AUTS2: variants seen among roughly 807,000 people sequenced by gnomAD.
The protein encoded by AUTS2 is activator of transcription and developmental regulator AUTS2.
In AUTS2, 17 loss-of-function variants were observed where a neutral mutation model predicts 112.4. The observed-to-expected ratio is 0.15, with a 90% confidence interval of 0.10 to 0.23. The LOEUF is 0.23. AUTS2 is among the 10% of genes least tolerant of loss of function. AUTS2 has a pLI of 1.00. For synonymous variants in AUTS2, 751 were observed against 702.7 expected (o/e 1.07, Z -1.09); for missense variants, 1,510 against 1,701.6 (o/e 0.89, Z 1.98).
At chr7:69,767,489 A>G (rs1265480090) in intron 1 of AUTS2, among the ~76,000 whole-genome samples, 2 of 152,174 alleles carry the variant, frequency 1.3e-5, no homozygotes, top group African/African-American at 2.4e-5. Flanking sequence ...AGACATTTCT[A>G]ATTAGAAAGT....
intron 2 of AUTS2, among the ~76,000 whole-genome samples, chr7:70,059,241 G>A (rs1390811851): frequency 6.6e-6 from 1 of 152,184 alleles, no homozygotes; most frequent in African/African-American, 2.4e-5. Flanking sequence ...ATGTCATACA[G>A]TTGGAATCAT....
intron 1 of AUTS2, among the ~76,000 whole-genome samples, chr7:69,728,452 T>C (rs138090216): frequency 1.8e-4 from 27 of 152,350 alleles, no homozygotes; most frequent in African/African-American, 5.8e-4. Flanking sequence ...AGGCACATTC[T>C]AGAAGTGCCT....
chr7:69,799,641 A>G (rs940285438), intron 1 of AUTS2, among the ~76,000 whole-genome samples: 1 of 152,236 alleles, frequency 6.6e-6, no homozygotes, highest in Non-Finnish European at 1.5e-5. Flanking sequence ...TTTGAGTTAC[A>G]TATGAGGGAC....
intron 2 of AUTS2, among the ~76,000 whole-genome samples, chr7:70,097,855 A>G (rs1804283111): frequency 6.6e-6 from 1 of 152,230 alleles, no homozygotes; most frequent in African/African-American, 2.4e-5. Context: ...TGTAGGATAA[A>G]GTGCGGCAGT....
chr7:69,991,214 C>T (rs1306423521), intron 2 of AUTS2, among the ~76,000 whole-genome samples: 1 of 152,136 alleles, frequency 6.6e-6, no homozygotes, highest in East Asian at 1.9e-4. Flanking sequence ...CCCTTCACTG[C>T]GTAGTAGTTT....
intron 3 of AUTS2, chr7:70,119,118 T>C (rs1207491471): frequency 6.6e-6 from 1 of 151,870 alleles, no homozygotes; most frequent in Non-Finnish European, 1.5e-5. Flanking sequence ...TCCTTCTGAG[T>C]AGGTGGGACT....
chr7:70,330,355 T>G (rs1309084383), intron 4 of AUTS2, among the ~76,000 whole-genome samples: 1 of 152,226 alleles, frequency 6.6e-6, no homozygotes, highest in African/African-American at 2.4e-5. Context: ...GATATCCAGT[T>G]GTCTCAGCAT....
chr7:70,575,044 G>A (rs919897878), intron 5 of AUTS2, among the ~76,000 whole-genome samples: 4 of 152,160 alleles, frequency 2.6e-5, no homozygotes, highest in African/African-American at 4.8e-5. Context: ...CTGGGTAATC[G>A]TTCCGCTCGG....
At chr7:69,909,381 A>G (rs1343834934) in intron 2 of AUTS2, among the ~76,000 whole-genome samples, 1 of 152,222 alleles carries the variant, frequency 6.6e-6, no homozygotes, top group Non-Finnish European at 1.5e-5. Flanking sequence ...ATAGCTGTTT[A>G]TAAAGATGCT....
intron 1 of AUTS2, among the ~76,000 whole-genome samples, chr7:69,864,683 A>AAAATATTTGAAATAATGACTCTT (rs1386403483): frequency 4.6e-5 from 7 of 152,198 alleles, no homozygotes; most frequent in Non-Finnish European, 1.0e-4. Context: ...TACTTTATTT[A>AAAATATTTGAAATAATGACTCTT]AAATATTTGA....
intron 4 of AUTS2, among the ~76,000 whole-genome samples, chr7:70,433,002 G>A (rs1040049745): frequency 6.6e-6 from 1 of 152,140 alleles, no homozygotes; most frequent in African/African-American, 2.4e-5. Flanking sequence ...ATTTTTAATC[G>A]GCTTGGCATC....
At chr7:70,391,446 G>A (rs986708592) in intron 4 of AUTS2, among the ~76,000 whole-genome samples, 5 of 152,244 alleles carry the variant, frequency 3.3e-5, no homozygotes, top group African/African-American at 7.2e-5. Flanking sequence ...AAAACTCACC[G>A]CAGAAGTCCC....
intron 6 of AUTS2, among the ~76,000 whole-genome samples, chr7:70,753,437 A>T (rs953515374): frequency 2.6e-5 from 4 of 152,310 alleles, no homozygotes; most frequent in East Asian, 3.9e-4. Flanking sequence ...ATTCCCCCTG[A>T]TCTTCCACTC....
intron 6 of AUTS2, among the ~76,000 whole-genome samples, chr7:70,716,456 AC>A (rs1019862415): frequency 1.3e-5 from 2 of 151,812 alleles, no homozygotes; most frequent in Non-Finnish European, 2.9e-5. Flanking sequence ...ACACAGTGAA[AC>A]CCCATCTCTA....
chr7:69,600,053 G>GCTGTCTGTCTGTCTGT (rs113411804), intron 1 of AUTS2, 91 bp downstream of exon 1: 6 of 1,259,618 alleles, frequency 4.8e-6, no homozygotes, highest in South Asian at 2.7e-5. Context: ...CGCGCTCCGG[G>GCTGTCTGTCTGTCTGT]CTGTCTGTCT....
chr7:69,861,375 C>T lies in AUTS2; in HGVS notation c.310-37911C>T, dbSNP rs145781751. On this transcript the variant is annotated intron_variant, in intron 1 of 18. Coordinates refer to ENST00000342771, the MANE Select transcript of AUTS2 (RefSeq NM_015570.4). ...TCTTTTTGGAGGGACATGGTGCTCCCGTCTCTTGCCTGTGGATGTTCCCTA... is the reference window on the plus strand; with the variant it reads ...TCTTTTTGGAGGGACATGGTGCTCCTGTCTCTTGCCTGTGGATGTTCCCTA... Among the ~76,000 whole-genome samples, 330 of 152,178 alleles carry T rather than the reference C, an allele frequency of 2.2e-3. 1 individual carries two copies. The highest frequency in any genetic ancestry group is 7.5e-3 in the African/African-American group (313 of 41,518).
At chr7:70,408,148 T>G (rs942990318) in intron 4 of AUTS2, among the ~76,000 whole-genome samples, 1 of 147,206 alleles carries the variant, frequency 6.8e-6, no homozygotes, top group African/African-American at 2.5e-5. Flanking sequence ...ACCACTGCAC[T>G]CCCACCTGGG....
chr7:69,990,697 CTGGTGGTCATATTTATA>C (rs2129551446), intron 2 of AUTS2, among the ~76,000 whole-genome samples: 1 of 152,250 alleles, frequency 6.6e-6, no homozygotes, highest in African/African-American at 2.4e-5. Flanking sequence ...GCTCTTAAAG[CTGGTGGTCATATTTATA>C]TAGGTTGGGT....
In AUTS2 at chr7:70,583,451, G is replaced by C. The variant is rs149980306; in HGVS notation, c.691-115118G>C. On this transcript the variant is annotated intron_variant, in intron 5 of 18. Coordinates refer to ENST00000342771, the MANE Select transcript of AUTS2 (RefSeq NM_015570.4). ...AGTGAATTCCCTGATCTCCCTGCTC[G>C]AGGCAGAGGGAGAGGGGGCCTGTTT... Among the ~76,000 whole-genome samples the C allele has an allele frequency of 2.0e-3, 302 of 152,302 alleles. 3 individuals are homozygous for C. The highest frequency in any genetic ancestry group is 2.9e-3 in the Admixed American group (44 of 15,304).
Sources: gnomAD v4.1 joint callset for allele counts (sites outside exome capture counted in the v4.1 genomes callset) on GRCh38, gnomAD v4.1.1 for gene constraint, MANE v1.5 for transcripts, NCBI Gene and HGNC (gene_info 2026-07-23, HGNC 2026-07-21) for gene names.